Variants in PRH1 observed in about 807,000 individuals in gnomAD.
PRH1 encodes the protein proline rich protein HaeIII subfamily 1.
A neutral mutation model predicts 7.9 loss-of-function variants in PRH1; 7 were observed. That is an observed-to-expected ratio of 0.89 (90% CI 0.50 to 1.67). The LOEUF (loss-of-function observed/expected upper bound fraction) is 1.67. Among genes scored for constraint, PRH1 ranks in the 40% most tolerant of loss-of-function variants. The probability of loss-of-function intolerance (pLI) is 0.00; values close to 1 mark genes in which losing one functional copy is unlikely to be tolerated. For synonymous variants in PRH1, 45 were observed against 80.8 expected, an observed-to-expected ratio of 0.56 and a Z score of 2.38; for missense variants, 109 against 223.6, an observed-to-expected ratio of 0.49 and a Z score of 3.27.
chr12:10,958,470 G>T (rs1938084003), intron 2 of PRH1, among the ~76,000 whole-genome samples: 1 of 151,986 alleles, frequency 6.6e-6, no homozygotes, highest in Admixed American at 6.6e-5. Flanking sequence ...TCCCACCCGA[G>T]TGACAAAATA....
chr12:10,906,481 TTA>T (rs1949804651), intron 2 of PRH1, among the ~76,000 whole-genome samples: 1 of 152,204 alleles, frequency 6.6e-6, no homozygotes, highest in African/African-American at 2.4e-5. Context: ...GATAAAGAAC[TTA>T]TATTCAGAAT....
chr12:11,108,068 A>C (rs1441603383), intron 1 of PRH1, among the ~76,000 whole-genome samples: 1 of 152,246 alleles, frequency 6.6e-6, no homozygotes, highest in Non-Finnish European at 1.5e-5. Flanking sequence ...AGCCTAGAAT[A>C]GTGTAACTGG....
chr12:10,919,830 T>G lies in PRH1; in HGVS notation c.-58-35555A>C, dbSNP rs575305881. On this transcript the variant is annotated intron_variant, in intron 2 of 3. Coordinates refer to the PRH1 transcript ENST00000539853. Reference sequence around the variant, plus strand: ...TTTATTTCTGTGTCACAACCTTCATTGTTTTGATTTTTTTAATAATTTTTT... The same window carrying G: ...TTTATTTCTGTGTCACAACCTTCATGGTTTTGATTTTTTTAATAATTTTTT... Among the ~76,000 whole-genome samples the G allele has an allele frequency of 9.7e-4, 148 of 152,076 alleles. 1 individual carries two copies. The highest frequency in any genetic ancestry group is 3.2e-3 in the African/African-American group (134 of 41,540).
chr12:11,071,863 C>T (rs1223007227), intron 1 of PRH1, among the ~76,000 whole-genome samples: 1 of 152,182 alleles, frequency 6.6e-6, no homozygotes. Context: ...GGACCCTCTA[C>T]CCTTGCTCAA....
downstream of PRH1, among the ~76,000 whole-genome samples, chr12:11,116,412 AAAAAC>A (rs750679471): frequency 5.3e-5 from 8 of 152,188 alleles, no homozygotes; most frequent in Middle Eastern, 3.4e-3. Context: ...CCACTTTAGA[AAAAAC>A]AAAACAAAAC....
At chr12:10,972,818 A>G (rs1938880147) in intron 2 of PRH1, among the ~76,000 whole-genome samples, 1 of 151,612 alleles carries the variant, frequency 6.6e-6, no homozygotes, top group Admixed American at 6.6e-5. Flanking sequence ...TGCATTCAAG[A>G]TTTTTTTGGG....
intron 1 of PRH1, among the ~76,000 whole-genome samples, chr12:11,073,592 C>T (rs1412092821): frequency 2.0e-5 from 3 of 151,770 alleles, no homozygotes; most frequent in African/African-American, 7.3e-5. Flanking sequence ...CTTTTTAAAT[C>T]CCTGTTCAGT....
At position 11,073,911 on chromosome 12, in the gene PRH1, TG is replaced by T. The variant is rs371854040; in HGVS notation, n.124-26724del. Among the ~76,000 whole-genome samples, 672 of 147,246 alleles carry T rather than the reference TG, an allele frequency of 4.6e-3. 12 individuals are homozygous for T. Among genetic ancestry groups the T allele is most frequent in the African/African-American group, 0.016 (646 of 40,324 alleles). ...GTATCTGCTGTCTGAAAAATAAAAA[TG>T]CAAGTGCAGAACATTAATCCAAGCA... is the stretch of plus-strand genomic sequence containing the variant. On this transcript the variant is annotated intron_variant and non_coding_transcript_variant, in intron 1 of 4. Coordinates refer to the PRH1 transcript ENST00000541977.
At chr12:11,015,652 T>TG (rs1555134614) in intron 1 of PRH1, among the ~76,000 whole-genome samples, 1 of 152,134 alleles carries the variant, frequency 6.6e-6, no homozygotes, top group Non-Finnish European at 1.5e-5. Flanking sequence ...AATTTTCTTT[T>TG]TGTGTGTGTG....
At chr12:10,988,975 T>G (rs1939791219) in intron 1 of PRH1, among the ~76,000 whole-genome samples, 3 of 152,134 alleles carry the variant, frequency 2.0e-5, no homozygotes, top group Non-Finnish European at 4.4e-5. Context: ...CCCAGCTAAC[T>G]TTTTGTATTT....
At chr12:11,140,238 G>A (rs763782757) in intron 1 of PRH1, among the ~76,000 whole-genome samples, 24 of 151,972 alleles carry the variant, frequency 1.6e-4, no homozygotes, top group Non-Finnish European at 2.9e-4. Flanking sequence ...CACTGTAAGG[G>A]AAATTTCAGG....
At chr12:11,090,725 C>G (rs1193308106) in intron 1 of PRH1, among the ~76,000 whole-genome samples, 1 of 117,540 alleles carries the variant, frequency 8.5e-6, no homozygotes, top group East Asian at 2.1e-4. Flanking sequence ...TTGCTTTTTA[C>G]TAAACATAAA....
intron 1 of PRH1, among the ~76,000 whole-genome samples, chr12:10,994,585 T>G (rs766758041): frequency 5.3e-5 from 8 of 152,178 alleles, no homozygotes; most frequent in Non-Finnish European, 8.8e-5. Flanking sequence ...CAGCCATTTC[T>G]GCAGTGGACC....
At chr12:11,070,158 G>C (rs1044169748) in intron 1 of PRH1, among the ~76,000 whole-genome samples, 3 of 120,106 alleles carry the variant, frequency 2.5e-5, no homozygotes, top group African/African-American at 8.3e-5. Flanking sequence ...ACAGGCGCCA[G>C]GGAGAGGCAA....
intron 2 of PRH1, among the ~76,000 whole-genome samples, chr12:10,953,120 G>GA (rs375309513): frequency 3.5e-4 from 50 of 144,842 alleles, no homozygotes; most frequent in African/African-American, 5.8e-4. Flanking sequence ...GATAAAAACA[G>GA]AAAAAAAAAA....
chr12:11,118,716 C>T (rs140066754), downstream of PRH1, among the ~76,000 whole-genome samples: 272 of 152,044 alleles, frequency 1.8e-3, 1 homozygote, highest in Non-Finnish European at 2.6e-3. Flanking sequence ...GTGGTATGGC[C>T]GGGGGCGGTG....
intron 1 of PRH1, among the ~76,000 whole-genome samples, chr12:11,010,012 G>GA (rs1176202965): frequency 6.6e-6 from 1 of 151,880 alleles, no homozygotes; most frequent in African/African-American, 2.4e-5. Context: ...GCTTGATCAT[G>GA]AAACAGTTTA....
intron 1 of PRH1, among the ~76,000 whole-genome samples, chr12:11,072,530 A>G (rs1477777199): frequency 6.6e-6 from 1 of 152,248 alleles, no homozygotes; most frequent in Admixed American, 6.5e-5. Context: ...GAAAAATAAT[A>G]ATCACATTCT....
intron 1 of PRH1, among the ~76,000 whole-genome samples, chr12:11,089,327 T>C (rs1395111272): frequency 8.6e-6 from 1 of 115,666 alleles, no homozygotes; most frequent in African/African-American, 2.9e-5. Context: ...CAATAAGAAA[T>C]AGAAGACTAA....
Sources: gnomAD v4.1 joint callset for allele counts (sites outside exome capture counted in the v4.1 genomes callset) on GRCh38, gnomAD v4.1.1 for gene constraint, MANE v1.5 for transcripts, NCBI Gene and HGNC (gene_info 2026-07-23, HGNC 2026-07-21) for gene names.